IGSF9B: variants seen among roughly 807,000 people sequenced by gnomAD.
IGSF9B encodes the protein immunoglobulin superfamily member 9B.
A neutral mutation model predicts 143.7 loss-of-function variants in IGSF9B; 48 were observed. The observed-to-expected ratio is 0.33, with a 90% confidence interval of 0.26 to 0.42. IGSF9B has a LOEUF of 0.42. IGSF9B is among the 20% of genes least tolerant of loss of function. IGSF9B has a pLI of 1.00. For missense variants in IGSF9B, 1,706 were observed against 1,980.0 expected, an observed-to-expected ratio of 0.86 and a Z score of 2.63; for synonymous variants, 903 against 833.1, an observed-to-expected ratio of 1.08 and a Z score of -1.44.
In IGSF9B at chr11:133,956,674, G is replaced by A; in HGVS notation, c.64+17C>T. The A allele has an allele frequency of 2.0e-6, 3 of 1,524,046 alleles. No homozygotes were observed. The highest frequency in any genetic ancestry group is 2.6e-6 in the Non-Finnish European group (3 of 1,132,334). 94.4% of individuals were successfully genotyped at this position (1,524,046 alleles called of 1,614,324 possible). A position where few individuals can be genotyped will look rare whatever the true frequency, so the allele number is the denominator to read the frequency against. On this transcript the variant is annotated intron_variant, in intron 1 of 19. Coordinates refer to ENST00000533871, the MANE Select transcript of IGSF9B (RefSeq NM_001277285.4). ...GCGCCGGGAGGGGCAGGGGAGGGAC[G>A]CCGCACTTCAACTCACCTTCAGCCG...
Position 133,904,725 on chromosome 11 carries a change from C to T in IGSF9B, c.*4344G>A, listed in dbSNP as rs527930301. Among the ~76,000 whole-genome samples, 36 of 152,098 alleles carry T rather than the reference C, an allele frequency of 2.4e-4. No homozygotes were observed. The highest frequency in any genetic ancestry group is 8.7e-4 in the African/African-American group (36 of 41,472). On this transcript the variant is annotated 3_prime_UTR_variant, in exon 20 of 20. Transcript: ENST00000533871. ...CTTGGTGTCCCCTGGGGTGGTCTCA[C>T]CATCCTAACCCATGCCTGACCTCAC...
chr11:133,933,921 T>G (rs1327828853), intron 7 of IGSF9B, among the ~76,000 whole-genome samples: 3 of 152,054 alleles, frequency 2.0e-5, no homozygotes, highest in Admixed American at 2.0e-4. Flanking sequence ...GAGAACAGTG[T>G]TACATAAATA....
At chr11:133,927,984 A>G (rs912159461) in intron 12 of IGSF9B, among the ~76,000 whole-genome samples, 1 of 152,204 alleles carries the variant, frequency 6.6e-6, no homozygotes, top group Non-Finnish European at 1.5e-5. Context: ...AGAGGCAGGC[A>G]GAAAGAAAGG....
chr11:133,946,204 C>T lies in IGSF9B; in HGVS notation c.119G>A (p.Ser40Asn), dbSNP rs1462607531. The change falls in exon 2 of 20, where the codon AGC becomes AAC. Residue 40 changes from serine (S) to asparagine (N), a missense_variant. By Grantham distance (46) the Ser-to-Asn change is conservative. This residue lies in a region of IGSF9B where 171 missense variants were observed against 213.9 expected (regional missense o/e 0.80). Transcript: ENST00000533871. ...PEFVTARAGE[S>N]VVLRCDVIHP... ...GATCACGTCGCATCGCAGGACCACG[C>T]TCTCCCCAGCTCTTGCCGTCACAAA... is the stretch of plus-strand genomic sequence containing the variant. 3.7e-6 allele frequency: 6 copies of T among 1,613,644 alleles called. No homozygotes were observed. The highest frequency in any genetic ancestry group is 5.1e-6 in the Non-Finnish European group (6 of 1,179,740).
At position 133,919,954 on chromosome 11, in the gene IGSF9B, G is replaced by A; in HGVS notation, c.3771C>T (p.Ser1257=). ...FSRKSTPSTG[S]PSQSSRSGSP... ...TCCCACTGCGGCTGCTCTGGGAGGG[G>A]GAGCCTGTGGACGGCGTAGACTTTC... The change falls in exon 18 of 20, where the codon TCC becomes TCT. Residue 1257 remains serine (S), a synonymous_variant. Transcript: ENST00000533871. 2 of 1,560,988 alleles carry A rather than the reference G, an allele frequency of 1.3e-6. No individual in the cohort carries two copies. The highest frequency in any genetic ancestry group is 1.2e-5 in the South Asian group (1 of 84,490).
rs1392632110 is a variant in IGSF9B at position 133,907,335 on chromosome 11, G to A, written c.*1734C>T. On this transcript the variant is annotated 3_prime_UTR_variant, in exon 20 of 20. Transcript: ENST00000533871. ...GCAGCCATCCAAGGCCTCATCCTGC[G>A]AGGTCACTGGGCCAAGCCCATGGCA... Among the ~76,000 whole-genome samples, 4 of 152,214 alleles carry A rather than the reference G, an allele frequency of 2.6e-5. No individual in the cohort carries two copies. The highest frequency in any genetic ancestry group is 4.1e-4 in the South Asian group (2 of 4,826).
chr11:133,927,504 G>A (rs913188742), intron 12 of IGSF9B, among the ~76,000 whole-genome samples: 3 of 152,188 alleles, frequency 2.0e-5, no homozygotes, highest in Non-Finnish European at 4.4e-5. Context: ...GGACCTGGCT[G>A]CACACACCCC....
At chr11:133,914,792 G>A (rs1422700179) in intron 18 of IGSF9B, among the ~76,000 whole-genome samples, 1 of 152,234 alleles carries the variant, frequency 6.6e-6, no homozygotes, top group African/African-American at 2.4e-5. Context: ...ACATGGTACA[G>A]AAAAGACACA....
intron 18 of IGSF9B, 43 bp downstream of exon 18, chr11:133,919,699 G>A (rs536592162): frequency 1.2e-5 from 15 of 1,247,854 alleles, no homozygotes; most frequent in Non-Finnish European, 1.6e-5. Context: ...GTGGGGGAAG[G>A]AAGTTGCCCA....
At position 133,924,802 on chromosome 11, in the gene IGSF9B, AC is replaced by A. The variant is rs754214573; in HGVS notation, c.2119+17del. ...CTTATGTCCCTATAGTTGCAAGAGCACCCTCAACCCAAAATACCTGTGCTGG... is the reference window on the plus strand; with the variant it reads ...CTTATGTCCCTATAGTTGCAAGAGCACCTCAACCCAAAATACCTGTGCTGG... On this transcript the variant is annotated intron_variant, in intron 15 of 19. Transcript: ENST00000533871. 1 of 1,608,036 alleles carries A rather than the reference AC, an allele frequency of 6.2e-7. No homozygotes were observed. The highest frequency in any genetic ancestry group is 2.2e-5 in the East Asian group (1 of 44,832).
At position 133,898,493 on chromosome 11, in the gene IGSF9B, A is replaced by G. The variant is rs2121246721; in HGVS notation, c.*10576T>C. The G allele has an allele frequency of 6.5e-6, 1 of 154,476 alleles. No homozygotes were observed. Among genetic ancestry groups the G allele is most frequent in the African/African-American group, 2.4e-5 (1 of 41,640 alleles). The allele number at this position is 154,476 out of a possible 1,614,324, so 9.6% of individuals were successfully genotyped here. A position where few individuals can be genotyped will look rare whatever the true frequency, so the allele number is the denominator to read the frequency against. ...GATCAAAGTCCCTCCTGGGGAAGAG[A>G]AAAACACTGAAGACCAAGGGGCAGG... is the stretch of plus-strand genomic sequence containing the variant. On this transcript the variant is annotated 3_prime_UTR_variant, in exon 20 of 20. Coordinates refer to ENST00000533871, the MANE Select transcript of IGSF9B (RefSeq NM_001277285.4).
chr11:133,920,547 G>C lies in IGSF9B; in HGVS notation c.3178C>G (p.Gln1060Glu). The C allele has an allele frequency of 1.2e-6, 2 of 1,612,314 alleles. No individual in the cohort carries two copies. Among genetic ancestry groups the C allele is most frequent in the Non-Finnish European group, 1.7e-6 (2 of 1,179,252 alleles). The change falls in exon 18 of 20, where the codon CAG becomes GAG. Residue 1060 changes from glutamine (Q) to glutamate (E), a missense_variant. This residue lies in a region of IGSF9B where 880 missense variants were observed against 762.9 expected (regional missense o/e 1.15). Transcript: ENST00000533871. ...LETPAMMFPH[Q>E]LPPCDVPESL... Reference sequence around the variant, plus strand: ...TCGGGCACATCACAGGGTGGCAGCTGGTGGGGGAACATCATCGCTGGGGTC... The same window carrying C: ...TCGGGCACATCACAGGGTGGCAGCTCGTGGGGGAACATCATCGCTGGGGTC...
At position 133,946,068 on chromosome 11, in the gene IGSF9B, C is replaced by T; in HGVS notation, c.255G>A (p.Glu85=). Residue 85 remains glutamate, a synonymous_variant, in exon 2 of 20, where the codon GAG becomes GAA. Coordinates refer to ENST00000533871, the MANE Select transcript of IGSF9B (RefSeq NM_001277285.4). ...CGGGTGCCCAGACCTTACCTGCATA[C>T]TCAGGGTCCACGTGCGGCGGGTAGT... ...FGYYPPHVDP[E]YAGRASLHDK... 1 of 1,574,558 alleles carries T rather than the reference C, an allele frequency of 6.4e-7. No homozygotes were observed. The highest frequency in any genetic ancestry group is 8.6e-7 in the Non-Finnish European group (1 of 1,159,092).
rs1186374183 is a variant in IGSF9B, at chr11:133,898,251, GAC to G, written c.*10816_*10817del. The G allele has an allele frequency of 2.6e-5, 4 of 152,266 alleles. No individual in the cohort carries two copies. Among genetic ancestry groups the G allele is most frequent in the Non-Finnish European group, 5.9e-5 (4 of 68,080 alleles). The allele number at this position is 152,266 out of a possible 1,614,324, so 9.4% of individuals were successfully genotyped here. On this transcript the variant is annotated 3_prime_UTR_variant, in exon 20 of 20. Coordinates refer to ENST00000533871, the MANE Select transcript of IGSF9B (RefSeq NM_001277285.4). The stretch of plus-strand genomic sequence containing the variant: ...GAGCAAGAAATCTCATGACGAAACT[GAC>G]AGTCATATCCAGAAAAGAAGAACTA...
chr11:133,919,930 C>G lies in IGSF9B; in HGVS notation c.3795G>C (p.Gly1265=), dbSNP rs754951849. Residue 1265 remains glycine, a synonymous_variant, in exon 18 of 20, where the codon GGG becomes GGC. Coordinates refer to ENST00000533871, the MANE Select transcript of IGSF9B (RefSeq NM_001277285.4). Reference sequence around the variant, plus strand: ...CCATGGCGGGCCGGTAGCTGGGACTCCCACTGCGGCTGCTCTGGGAGGGGG... The same window carrying G: ...CCATGGCGGGCCGGTAGCTGGGACTGCCACTGCGGCTGCTCTGGGAGGGGG... The part of the protein sequence containing the change: ...TGSPSQSSRS[G]SPSYRPAMGF... 4 of 1,555,672 alleles carry G rather than the reference C, an allele frequency of 2.6e-6. No individual in the cohort carries two copies. In the South Asian group the frequency reaches 3.6e-5, roughly 14 times the overall value.
At chr11:133,938,340 C>A (rs1286139163) in intron 3 of IGSF9B, among the ~76,000 whole-genome samples, 2 of 152,198 alleles carry the variant, frequency 1.3e-5, no homozygotes, top group Admixed American at 1.3e-4. Flanking sequence ...AAACCCAGCT[C>A]AGCCAGGCCC....
At position 133,902,033 on chromosome 11, in the gene IGSF9B, ACAC is replaced by A. The variant is rs893828549; in HGVS notation, c.*7033_*7035del. 1.0e-4 allele frequency among the ~76,000 whole-genome samples: 15 copies of A among 143,734 alleles called. No homozygotes were observed. Among genetic ancestry groups the A allele is most frequent in the Non-Finnish European group, 1.9e-4 (13 of 66,702 alleles). 94.3% of individuals were successfully genotyped at this position (143,734 alleles called of 152,430 possible). ...ACCAGACATACACACACCATACCAC[ACAC>A]CACACCCACACACAATACACACATA... On this transcript the variant is annotated 3_prime_UTR_variant, in exon 20 of 20. Coordinates refer to ENST00000533871, the MANE Select transcript of IGSF9B (RefSeq NM_001277285.4).
chr11:133,946,221 C>T lies in IGSF9B; in HGVS notation c.102G>A (p.Thr34=), dbSNP rs374141278. The T allele has an allele frequency of 6.9e-5, 112 of 1,613,746 alleles. No individual in the cohort carries two copies. The highest frequency in any genetic ancestry group is 5.9e-4 in the African/African-American group (44 of 75,034). Residue 34 remains threonine (T), a synonymous_variant, in exon 2 of 20, where the codon ACG becomes ACA. Coordinates refer to ENST00000533871, the MANE Select transcript of IGSF9B (RefSeq NM_001277285.4). The part of the protein sequence containing the change: ...HGLREEPEFV[T]ARAGESVVLR... ...GGACCACGCTCTCCCCAGCTCTTGC[C>T]GTCACAAACTCGGGCTCCTCTCGCA...
At chr11:133,911,463 AGAGTT>A (rs1286655376) in intron 19 of IGSF9B, among the ~76,000 whole-genome samples, 3 of 152,240 alleles carry the variant, frequency 2.0e-5, no homozygotes, top group Non-Finnish European at 2.9e-5. Context: ...GGAAGGAGAT[AGAGTT>A]ATGTGCAAGG....
Sources: allele counts gnomAD v4.1 joint callset (sites outside exome capture counted in the v4.1 genomes callset), GRCh38; gene constraint gnomAD v4.1.1; regional missense constraint gnomAD v4.1.1; transcripts MANE v1.5; gene names NCBI Gene and HGNC (gene_info 2026-07-23, HGNC 2026-07-21).